Variants in PCOLCE2 observed in about 807,000 individuals in gnomAD.
PCOLCE2 encodes the protein procollagen C-endopeptidase enhancer 2.
A neutral mutation model predicts 47.0 loss-of-function variants in PCOLCE2; 42 were observed. That is an observed-to-expected ratio of 0.89 (90% CI 0.70 to 1.16). The LOEUF (loss-of-function observed/expected upper bound fraction) is 1.16. Ranked by LOEUF, PCOLCE2 falls within the 50% of genes most tolerant of loss-of-function variation. PCOLCE2 has a pLI of 0.00. For missense variants in PCOLCE2, 500 were observed against 526.1 expected (o/e 0.95, Z 0.49); for synonymous variants, 169 against 191.7 (o/e 0.88, Z 0.98).
chr3:142,824,655 T>C (rs1215553639), intron 6 of PCOLCE2, among the ~76,000 whole-genome samples: 1 of 150,698 alleles, frequency 6.6e-6, no homozygotes, highest in Non-Finnish European at 1.5e-5. Flanking sequence ...TATTTATTTT[T>C]GACATGGAGT....
At position 142,859,556 on chromosome 3, in the gene PCOLCE2, T is replaced by C. The variant is rs999534794; in HGVS notation, c.193-11084A>G. On this transcript the variant is annotated intron_variant, in intron 2 of 8. Transcript: ENST00000295992. The stretch of plus-strand genomic sequence containing the variant: ...ACAAAATTACACTAATTTTTTCTTT[T>C]CTTTCTTGTTTTTTTTTTTTGAGAC... Among the ~76,000 whole-genome samples, 25 of 151,800 alleles carry C rather than the reference T, an allele frequency of 1.6e-4. 1 individual carries two copies. The highest frequency in any genetic ancestry group is 1.2e-3 in the Admixed American group (18 of 15,246).
At chr3:142,857,142 A>T (rs1933079314) in intron 2 of PCOLCE2, among the ~76,000 whole-genome samples, 1 of 152,208 alleles carries the variant, frequency 6.6e-6, no homozygotes, top group Admixed American at 6.5e-5. Flanking sequence ...AGCTGGTGCG[A>T]GCCTGGTGCT....
chr3:142,867,851 A>G (rs766000102), intron 2 of PCOLCE2, among the ~76,000 whole-genome samples: 6 of 152,196 alleles, frequency 3.9e-5, no homozygotes, highest in Non-Finnish European at 8.8e-5. Flanking sequence ...AATAAATTAG[A>G]AATATCAGTG....
At chr3:142,848,664 T>A (rs564280298) in intron 2 of PCOLCE2, among the ~76,000 whole-genome samples, 192 bp from the exon 3 acceptor site, 164 of 152,326 alleles carry the variant, frequency 1.1e-3, no homozygotes, top group Middle Eastern at 3.4e-3. Context: ...TATTTTCTTT[T>A]GACAAATTCT....
At chr3:142,864,281 T>A (rs148600475) in intron 2 of PCOLCE2, 5 of 152,222 alleles carry the variant, frequency 3.3e-5, no homozygotes, top group African/African-American at 9.6e-5. Context: ...CTGATGTTGA[T>A]GAGAAGCACT....
intron 8 of PCOLCE2, among the ~76,000 whole-genome samples, chr3:142,819,651 A>G (rs891084008): frequency 6.6e-6 from 1 of 151,832 alleles, no homozygotes; most frequent in Non-Finnish European, 1.5e-5. Flanking sequence ...TTATTTTTAA[A>G]TTTTTTTCTT....
rs879118893 is a variant in PCOLCE2, at chr3:142,827,250, T to C, written c.865+2442A>G. On this transcript the variant is annotated intron_variant, in intron 6 of 8. Transcript: ENST00000295992. ...TTGCCACCTCCAAAAGGATGCTCCA[T>C]AGGGTTCATGGCCACATCCCATACT... The C allele has an allele frequency of 1.5e-4, 185 of 1,225,804 alleles. 1 individual carries two copies. Among genetic ancestry groups the C allele is most frequent in the Non-Finnish European group, 2.0e-4 (164 of 836,628 alleles). The allele number at this position is 1,225,804 out of a possible 1,614,324, so 75.9% of individuals were successfully genotyped here.
chr3:142,863,096 CAAAAAAAAAAAA>C (rs35383176), intron 2 of PCOLCE2, among the ~76,000 whole-genome samples: 6 of 85,992 alleles, frequency 7.0e-5, no homozygotes, highest in South Asian at 8.9e-4. Flanking sequence ...GTCTGGCAGG[CAAAAAAAAAAAA>C]AAAAAAAAAA....
chr3:142,831,277 C>T (rs913457795), intron 5 of PCOLCE2, among the ~76,000 whole-genome samples: 4 of 152,138 alleles, frequency 2.6e-5, no homozygotes, highest in East Asian at 1.9e-4. Flanking sequence ...TGGGCAATCA[C>T]GGGAGTGGGA....
At chr3:142,851,901 C>G (rs951681293) in intron 2 of PCOLCE2, among the ~76,000 whole-genome samples, 1 of 152,182 alleles carries the variant, frequency 6.6e-6, no homozygotes, top group Non-Finnish European at 1.5e-5. Flanking sequence ...AAATTAACTA[C>G]AGGACTTGGA....
chr3:142,873,475 C>A (rs918146988), intron 2 of PCOLCE2, among the ~76,000 whole-genome samples: 3 of 151,726 alleles, frequency 2.0e-5, no homozygotes, highest in Non-Finnish European at 4.4e-5. Context: ...AACTGTTAAT[C>A]TATTTCCTTA....
intron 2 of PCOLCE2, among the ~76,000 whole-genome samples, chr3:142,851,403 T>G (rs1578039910): frequency 1.3e-5 from 2 of 149,734 alleles, no homozygotes; most frequent in Admixed American, 1.3e-4. Flanking sequence ...TAGGGGAGAG[T>G]GGTGAGGTTT....
intron 2 of PCOLCE2, among the ~76,000 whole-genome samples, chr3:142,876,708 T>A (rs2108210252): frequency 6.6e-6 from 1 of 152,306 alleles, no homozygotes; most frequent in African/African-American, 2.4e-5. Context: ...AGGAGCTTTC[T>A]GGGCCTCTCT....
rs1191767741 is a variant in PCOLCE2 at position 142,843,011 on chromosome 3, G to A, written c.486C>T (p.Ser162=). ...QYCGGLLDRP[S]GSFKTPNWPD... is the part of the protein sequence containing the mutation. ...GCCAGTTGGGGGTTTTAAAAGAGCC[G>A]GAAGGTCTGTCAAGGAGTCCTCCAC... The change falls in exon 4 of 9, where the codon TCC becomes TCT. Residue 162 remains serine (S), a synonymous_variant. Transcript: ENST00000295992. 8.7e-6 allele frequency: 14 copies of A among 1,613,510 alleles called. No homozygotes were observed. Among genetic ancestry groups the A allele is most frequent in the South Asian group, 7.7e-5 (7 of 91,070 alleles).
intron 8 of PCOLCE2, among the ~76,000 whole-genome samples, chr3:142,820,124 A>G (rs1276037756): frequency 1.3e-5 from 2 of 149,696 alleles, no homozygotes; most frequent in African/African-American, 5.0e-5. Context: ...TTTTTTTTAT[A>G]GAAATAGGGT....
intron 2 of PCOLCE2, among the ~76,000 whole-genome samples, chr3:142,876,172 G>A (rs555372666): frequency 6.6e-6 from 1 of 152,332 alleles, no homozygotes; most frequent in East Asian, 1.9e-4. Flanking sequence ...CTTCTAGAAT[G>A]TAAGCACCAT....
intron 5 of PCOLCE2, among the ~76,000 whole-genome samples, chr3:142,830,396 T>A (rs546838044): frequency 6.6e-6 from 1 of 152,354 alleles, no homozygotes; most frequent in East Asian, 1.9e-4. Flanking sequence ...GCCAGAGGGA[T>A]TATCTCAGTG....
chr3:142,871,799 G>T (rs1933389872), intron 2 of PCOLCE2, among the ~76,000 whole-genome samples: 1 of 152,142 alleles, frequency 6.6e-6, no homozygotes, highest in South Asian at 2.1e-4. Flanking sequence ...GTATATAGCT[G>T]TGTGTATAGA....
chr3:142,830,242 G>A (rs1553813351), intron 5 of PCOLCE2, among the ~76,000 whole-genome samples: 6 of 152,218 alleles, frequency 3.9e-5, no homozygotes, highest in Non-Finnish European at 2.9e-5. Flanking sequence ...TTTTCAAAAA[G>A]CACCTCATGA....
Sources: allele counts gnomAD v4.1 joint callset (sites outside exome capture counted in the v4.1 genomes callset), GRCh38; gene constraint gnomAD v4.1.1; transcripts MANE v1.5; gene names NCBI Gene and HGNC (gene_info 2026-07-23, HGNC 2026-07-21).